The following CPSF4 variants were observed in gnomAD, a reference collection of about 807,000 sequenced individuals.
CPSF4 encodes cleavage and polyadenylation specificity factor subunit 4.
In CPSF4, 11 loss-of-function variants were observed where a neutral mutation model predicts 37.7. That is an observed-to-expected ratio of 0.29 (90% CI 0.18 to 0.48). CPSF4 has a LOEUF of 0.48. CPSF4 is among the 20% of genes least tolerant of loss of function. CPSF4 has a pLI of 0.99. For synonymous variants in CPSF4, 132 were observed against 135.9 expected, an observed-to-expected ratio of 0.97 and a Z score of 0.20; for missense variants, 144 against 359.5, an observed-to-expected ratio of 0.40 and a Z score of 4.85.
In CPSF4 at chr7:99,438,984, C is replaced by G. The variant is rs547941252; in HGVS notation, c.-99C>G. 1.7e-5 allele frequency: 23 copies of G among 1,343,618 alleles called. No individual in the cohort carries two copies. The highest frequency in any genetic ancestry group is 3.0e-5 in the East Asian group (1 of 33,498). 83.2% of individuals were successfully genotyped at this position (1,343,618 alleles called of 1,614,324 possible). ...CGGCGGCGGCGGCGGCGAGGCGAAG[C>G]GAAGGAGGAGTGTGTGCGGCGGGGC... On this transcript the variant is annotated 5_prime_UTR_variant, in exon 1 of 8. Transcript: ENST00000292476.
rs751528882 is a variant in CPSF4, at chr7:99,456,657, C to G, written c.*157C>G. ...GGGGCCACGTCTGTTAGTTTCCTAT[C>G]ATTTTGCCTTAGTATTTTTTGAAAA... On this transcript the variant is annotated 3_prime_UTR_variant, in exon 8 of 8. Transcript: ENST00000292476. The G allele has an allele frequency of 8.5e-6, 6 of 709,216 alleles. No homozygotes were observed. In the East Asian group the frequency reaches 1.6e-4, roughly 19 times the overall value. 43.9% of individuals were successfully genotyped at this position (709,216 alleles called of 1,614,324 possible). A position where few individuals can be genotyped will look rare whatever the true frequency, so the allele number is the denominator to read the frequency against.
intron 6 of CPSF4, chr7:99,452,701 T>G: frequency 2.1e-6 from 1 of 466,980 alleles, no homozygotes; most frequent in Non-Finnish European, 3.9e-6. Context: ...TGGCCACCCG[T>G]TGTGAGATGG....
chr7:99,441,987 T>C (rs1455377184), intron 1 of CPSF4, among the ~76,000 whole-genome samples: 1 of 152,182 alleles, frequency 6.6e-6, no homozygotes, highest in East Asian at 1.9e-4. Flanking sequence ...TCACCGCACC[T>C]GGCCACTTTC....
chr7:99,449,588 T>G lies in CPSF4; in HGVS notation c.308-688T>G, dbSNP rs1326542718. ...CAGACATTGGGTTGAGGGCCCCCTTTCCAGGCACTGGAGGGACAATGGTGA... is the reference window on the plus strand; with the variant it reads ...CAGACATTGGGTTGAGGGCCCCCTTGCCAGGCACTGGAGGGACAATGGTGA... On this transcript the variant is annotated intron_variant, in intron 3 of 7. Coordinates refer to ENST00000292476, the MANE Select transcript of CPSF4 (RefSeq NM_006693.4). 2.0e-5 allele frequency among the ~76,000 whole-genome samples: 3 copies of G among 152,242 alleles called. No homozygotes were observed. The East Asian group carries it at 5.8e-4, about 29-fold the overall frequency.
At chr7:99,444,616 T>G (rs1262405970) in intron 1 of CPSF4, among the ~76,000 whole-genome samples, 173 bp from the exon 2 acceptor site, 2 of 152,202 alleles carry the variant, frequency 1.3e-5, no homozygotes, top group Admixed American at 1.3e-4. Flanking sequence ...GTGACTAACT[T>G]AAGCAGCTTC....
chr7:99,444,902 C>A, intron 2 of CPSF4, 63 bp downstream of exon 2: 1 of 1,454,240 alleles, frequency 6.9e-7, no homozygotes, highest in Non-Finnish European at 9.6e-7. Context: ...TTCTCCCCGG[C>A]AGACTTGGAG....
At chr7:99,440,674 A>ATATTT in intron 1 of CPSF4, among the ~76,000 whole-genome samples, 13 of 88,088 alleles carry the variant, frequency 1.5e-4, no homozygotes, top group African/African-American at 1.3e-3. Context: ...ATATATATAT[A>ATATTT]TTTTTTTTTT....
At chr7:99,455,817 ATC>A (rs1455137751) in intron 7 of CPSF4, among the ~76,000 whole-genome samples, 1 of 152,208 alleles carries the variant, frequency 6.6e-6, no homozygotes, top group Non-Finnish European at 1.5e-5. Flanking sequence ...GCATCGTCCC[ATC>A]TCTCTGATCC....
chr7:99,454,073 G>A lies in CPSF4; in HGVS notation c.678G>A (p.Gln226=), dbSNP rs1584515987. Residue 226 remains glutamine, a synonymous_variant, in exon 7 of 8, where the codon CAG becomes CAA. Transcript: ENST00000292476. ...QRTPQVIGVM[Q]SQNSSAGNRG... The stretch of plus-strand genomic sequence containing the variant: ...CCCCGCAGGTCATCGGGGTCATGCA[G>A]AGTCAAAACAGCAGCGCGGGCAACC... 6.2e-7 allele frequency: 1 copy of A among 1,614,250 alleles called. No individual in the cohort carries two copies. The highest frequency in any genetic ancestry group is 2.2e-5 in the East Asian group (1 of 44,882).
chr7:99,440,885 C>T (rs942435876), intron 1 of CPSF4, among the ~76,000 whole-genome samples: 3 of 150,378 alleles, frequency 2.0e-5, no homozygotes, highest in African/African-American at 7.4e-5. Flanking sequence ...CACACACACA[C>T]ACCCCCTCTT....
At position 99,457,097 on chromosome 7, in the gene CPSF4, T is replaced by C; in HGVS notation, c.*597T>C. 5.5e-6 allele frequency: 1 copy of C among 181,178 alleles called. No homozygotes were observed. Among genetic ancestry groups the C allele is most frequent in the Non-Finnish European group, 1.2e-5 (1 of 83,402 alleles). 11.2% of individuals were successfully genotyped at this position (181,178 alleles called of 1,614,324 possible). A position where few individuals can be genotyped will look rare whatever the true frequency, so the allele number is the denominator to read the frequency against. ...CTGAGGTTTTCTTCTCTGGGCTTAA[T>C]TTTCTCTTGGGGTACGTGCCTGACA... is the stretch of plus-strand genomic sequence containing the variant. On this transcript the variant is annotated 3_prime_UTR_variant, in exon 8 of 8. Coordinates refer to ENST00000292476, the MANE Select transcript of CPSF4 (RefSeq NM_006693.4).
At position 99,448,784 on chromosome 7, in the gene CPSF4, C is replaced by T. The variant is rs1340502474; in HGVS notation, c.307+511C>T. On this transcript the variant is annotated intron_variant, in intron 3 of 7. Transcript: ENST00000292476. This position sits in a 1 kb window ranked among gnomAD's most constrained non-coding sequence, Gnocchi z 4.4. ...TCCCTCCAGCGTGGGCATTGCCTCT[C>T]AGGCCCGAGCTGGTTCCTTCTCTCC... 1 of 153,944 alleles carries T rather than the reference C, an allele frequency of 6.5e-6. No homozygotes were observed. The highest frequency in any genetic ancestry group is 2.4e-5 in the African/African-American group (1 of 41,468). The allele number at this position is 153,944 out of a possible 1,614,324, so 9.5% of individuals were successfully genotyped here.
intron 1 of CPSF4, among the ~76,000 whole-genome samples, chr7:99,440,714 A>C (rs1796899667): frequency 8.1e-6 from 1 of 123,848 alleles, no homozygotes; most frequent in Non-Finnish European, 1.6e-5. Flanking sequence ...CCACAACTTT[A>C]CATGGTGATA....
chr7:99,440,674 A>ATTTT (rs1195402168), intron 1 of CPSF4, among the ~76,000 whole-genome samples: 3 of 88,080 alleles, frequency 3.4e-5, no homozygotes, highest in African/African-American at 9.7e-5. Context: ...ATATATATAT[A>ATTTT]TTTTTTTTTT....
At chr7:99,447,913 A>G (rs929907681) in intron 2 of CPSF4, 2 of 608,944 alleles carry the variant, frequency 3.3e-6, no homozygotes, top group Non-Finnish European at 6.0e-6. Flanking sequence ...CCCGGCCATG[A>G]GTAACTATTA....
intron 2 of CPSF4, among the ~76,000 whole-genome samples, chr7:99,446,999 C>T (rs1179294486): frequency 6.6e-6 from 1 of 151,484 alleles, no homozygotes; most frequent in Admixed American, 6.6e-5. Context: ...TTATGTTGGC[C>T]AGGCTGGTCT....
At chr7:99,454,981 G>A (rs1798206007) in intron 7 of CPSF4, among the ~76,000 whole-genome samples, 2 of 152,016 alleles carry the variant, frequency 1.3e-5, no homozygotes, top group African/African-American at 2.4e-5. Context: ...CTTGGGCCCA[G>A]GAGGTCAAGC....
At chr7:99,441,591 T>C (rs950785373) in intron 1 of CPSF4, 5 of 452,706 alleles carry the variant, frequency 1.1e-5, no homozygotes, top group African/African-American at 6.0e-5. Flanking sequence ...CCATAAGGCA[T>C]ACTCATCCTA....
At position 99,448,632 on chromosome 7, in the gene CPSF4, G is replaced by T. The variant is rs1405811379; in HGVS notation, c.307+359G>T. ...TCACTTTGGAGTGCTTCAGTGTTTG[G>T]AGCTCTTTCAATCACTCGGATTTGA... is the stretch of plus-strand genomic sequence containing the variant. On this transcript the variant is annotated intron_variant, in intron 3 of 7. Transcript: ENST00000292476. The surrounding 1 kb of genome is among the most constrained non-coding windows in gnomAD (Gnocchi z 4.4). The T allele has an allele frequency of 2.3e-5, 4 of 176,398 alleles. No individual in the cohort carries two copies. Among genetic ancestry groups the T allele is most frequent in the Non-Finnish European group, 4.8e-5 (4 of 83,440 alleles). 10.9% of individuals were successfully genotyped at this position (176,398 alleles called of 1,614,324 possible).
Sources: allele counts gnomAD v4.1 joint callset (sites outside exome capture counted in the v4.1 genomes callset), GRCh38; gene constraint gnomAD v4.1.1; non-coding constraint Gnocchi (gnomAD v3.1); transcripts MANE v1.5; gene names NCBI Gene and HGNC (gene_info 2026-07-23, HGNC 2026-07-21).